PLXNA2: variants seen among roughly 807,000 people sequenced by gnomAD.
PLXNA2 encodes the protein plexin-A2.
Under a neutral mutation model 193.5 loss-of-function variants are expected in PLXNA2, and 91 were observed. The observed-to-expected ratio is 0.47, with a 90% CI of 0.40 to 0.56. The LOEUF (loss-of-function observed/expected upper bound fraction) is 0.56, where lower values mean the gene tolerates loss of function less well. PLXNA2 is among the 20% of genes least tolerant of loss of function. The pLI is 0.00. For synonymous variants in PLXNA2, 997 were observed against 1,027.3 expected, an observed-to-expected ratio of 0.97 and a Z score of 0.56; for missense variants, 1,995 against 2,503.2, an observed-to-expected ratio of 0.80 and a Z score of 4.33.
intron 7 of PLXNA2, among the ~76,000 whole-genome samples, chr1:208,096,518 GT>G (rs1666895703): frequency 6.6e-6 from 1 of 152,242 alleles, no homozygotes; most frequent in South Asian, 2.1e-4. Flanking sequence ...AAGACGCTGT[GT>G]TCTGTGCAGC....
At chr1:208,031,941 G>A (rs1363912984) in intron 28 of PLXNA2, 182 bp from the exon 29 acceptor site, 1 of 968,372 alleles carries the variant, frequency 1.0e-6, no homozygotes, top group African/African-American at 1.8e-5. Context: ...GGAGAAACTG[G>A]GTGGGCTGTG....
chr1:208,131,669 T>G lies in PLXNA2; in HGVS notation c.1506+10660A>C, dbSNP rs1668159708. 2.0e-5 allele frequency among the ~76,000 whole-genome samples: 3 copies of G among 152,186 alleles called. No homozygotes were observed. The South Asian group carries it at 6.2e-4, about 32-fold the overall frequency. On this transcript the variant is annotated intron_variant, in intron 4 of 31. Coordinates refer to ENST00000367033, the MANE Select transcript of PLXNA2 (RefSeq NM_025179.4). The stretch of plus-strand genomic sequence containing the variant: ...GATATGGGTTTGCATGGTTCACACT[T>G]GAAACAGCACCAGAGAAGCTGAATC...
intron 4 of PLXNA2, among the ~76,000 whole-genome samples, chr1:208,113,018 A>AAC (rs1553281861): frequency 6.6e-6 from 1 of 151,780 alleles, no homozygotes; most frequent in South Asian, 2.1e-4. Context: ...AAAAAAAAAA[A>AAC]AAAAAACAGA....
chr1:208,195,901 C>T (rs17012155), intron 3 of PLXNA2, among the ~76,000 whole-genome samples: 13,111 of 151,862 alleles, frequency 0.086, 625 homozygotes, highest in African/African-American at 0.11. Context: ...ACTTACATTA[C>T]CCAACATTTT....
At chr1:208,212,435 A>C (rs757344179) in intron 2 of PLXNA2, among the ~76,000 whole-genome samples, 2 of 152,290 alleles carry the variant, frequency 1.3e-5, no homozygotes, top group Admixed American at 6.5e-5. Flanking sequence ...TCAGGAAATA[A>C]AACAAATTTT....
At chr1:208,061,779 C>T (rs781039958) in intron 12 of PLXNA2, among the ~76,000 whole-genome samples, 1 of 152,116 alleles carries the variant, frequency 6.6e-6, no homozygotes, top group African/African-American at 2.4e-5. Context: ...TCTTTGGGAT[C>T]CAACAGATCC....
chr1:208,147,944 G>A (rs1668648780), intron 3 of PLXNA2, among the ~76,000 whole-genome samples: 1 of 152,170 alleles, frequency 6.6e-6, no homozygotes, highest in African/African-American at 2.4e-5. Context: ...ATAAAACTCA[G>A]TTTATCAGGG....
At chr1:208,211,487 A>T (rs975209574) in intron 2 of PLXNA2, among the ~76,000 whole-genome samples, 4 of 152,140 alleles carry the variant, frequency 2.6e-5, no homozygotes, top group African/African-American at 9.7e-5. Flanking sequence ...AAGTCAGGAG[A>T]TCGAGACCAT....
chr1:208,035,992 C>A (rs1188461019), intron 26 of PLXNA2, among the ~76,000 whole-genome samples: 1 of 152,198 alleles, frequency 6.6e-6, no homozygotes, highest in Non-Finnish European at 1.5e-5. Context: ...GCTCCAAGGA[C>A]CTTTGACTCC....
intron 3 of PLXNA2, among the ~76,000 whole-genome samples, chr1:208,185,416 A>G (rs1669961787): frequency 6.6e-6 from 1 of 152,166 alleles, no homozygotes; most frequent in African/African-American, 2.4e-5. Context: ...CTCTCTATAA[A>G]TATACATGTC....
intron 4 of PLXNA2, among the ~76,000 whole-genome samples, chr1:208,129,883 A>T (rs981711080): frequency 2.8e-4 from 43 of 152,066 alleles, no homozygotes; most frequent in Admixed American, 6.6e-5. Flanking sequence ...TGGCTAGAAC[A>T]TTTTTTTCAT....
At chr1:208,061,821 G>A (rs145541393) in intron 12 of PLXNA2, among the ~76,000 whole-genome samples, 81 of 152,240 alleles carry the variant, frequency 5.3e-4, no homozygotes, top group Middle Eastern at 3.4e-3. Flanking sequence ...GTGGCCAATA[G>A]TTATCTGAAG....
rs527647531 is a variant in PLXNA2, at chr1:208,024,857, T to C, written c.*2386A>G. 6.6e-6 allele frequency: 1 copy of C among 152,230 alleles called. No homozygotes were observed. The highest frequency in any genetic ancestry group is 2.1e-4 in the South Asian group (1 of 4,812). 9.4% of individuals were successfully genotyped at this position (152,230 alleles called of 1,614,324 possible). ...ACCCAAACAGAGCTCAGAAGTTAGA[T>C]GGGGTGGGCTGAACTTTTTTACAGG... On this transcript the variant is annotated 3_prime_UTR_variant, in exon 32 of 32. Transcript: ENST00000367033.
In PLXNA2 at chr1:208,026,558, C is replaced by G. The variant is rs1046181825; in HGVS notation, c.*685G>C. On this transcript the variant is annotated 3_prime_UTR_variant, in exon 32 of 32. Transcript: ENST00000367033. ...AAAGTTCTGGAAGTTCCATACTCCT[C>G]TGGCTGCCGGGATAATTCCAGGTTT... 1.3e-5 allele frequency: 2 copies of G among 152,064 alleles called. No homozygotes were observed. Among genetic ancestry groups the G allele is most frequent in the Non-Finnish European group, 2.9e-5 (2 of 68,014 alleles). The allele number at this position is 152,064 out of a possible 1,614,324, so 9.4% of individuals were successfully genotyped here.
chr1:208,205,287 T>C (rs1031881651), intron 3 of PLXNA2, among the ~76,000 whole-genome samples: 2 of 152,158 alleles, frequency 1.3e-5, no homozygotes, highest in Non-Finnish European at 2.9e-5. Flanking sequence ...TTGCACTTAA[T>C]CTCTATCATC....
intron 1 of PLXNA2, among the ~76,000 whole-genome samples, chr1:208,231,531 C>G (rs772347570): frequency 3.3e-4 from 50 of 152,208 alleles, no homozygotes; most frequent in Non-Finnish European, 6.0e-4. Context: ...TCTGTCTGCT[C>G]TCCTCCCAGA....
intron 1 of PLXNA2, chr1:208,230,077 A>T (rs980681243): frequency 2.0e-5 from 3 of 152,224 alleles, no homozygotes; most frequent in Admixed American, 6.5e-5. Context: ...CAATGAGATA[A>T]TGGATGTGAA....
Position 208,215,897 on chromosome 1 carries a change from T to G in PLXNA2, c.1188+838A>C, listed in dbSNP as rs1671111319. Among the ~76,000 whole-genome samples the G allele has an allele frequency of 2.0e-5, 3 of 152,304 alleles. No individual in the cohort carries two copies. The East Asian group carries it at 5.8e-4, about 29-fold the overall frequency. On this transcript the variant is annotated intron_variant, in intron 2 of 31. Coordinates refer to ENST00000367033, the MANE Select transcript of PLXNA2 (RefSeq NM_025179.4). Reference sequence around the variant, plus strand: ...TGTCTCTGCTTTCCTCAGGTCTGGATTCTGAGCTTTTCATCCTCTCCTCTT... The same window carrying G: ...TGTCTCTGCTTTCCTCAGGTCTGGAGTCTGAGCTTTTCATCCTCTCCTCTT...
intron 4 of PLXNA2, among the ~76,000 whole-genome samples, chr1:208,106,503 C>T (rs1571922998): frequency 1.3e-5 from 2 of 152,214 alleles, no homozygotes; most frequent in Admixed American, 6.5e-5. Context: ...GAAAACACTG[C>T]CTGCATCTGT....
Sources: gnomAD v4.1 joint callset for allele counts (sites outside exome capture counted in the v4.1 genomes callset) on GRCh38, gnomAD v4.1.1 for gene constraint, MANE v1.5 for transcripts, NCBI Gene and HGNC (gene_info 2026-07-23, HGNC 2026-07-21) for gene names.